Variants in ANO10 observed in about 807,000 individuals in gnomAD.
The protein encoded by ANO10 is anoctamin-10.
In ANO10, 77 loss-of-function variants were observed where a neutral mutation model predicts 74.7. That is an observed-to-expected ratio of 1.03 (90% confidence interval 0.86 to 1.25). The LOEUF (loss-of-function observed/expected upper bound fraction) is 1.25, where lower values mean the gene tolerates loss of function less well. Among genes scored for constraint, ANO10 ranks in the 50% most tolerant of loss-of-function variants. ANO10 has a pLI of 0.00. For missense variants in ANO10, 721 were observed against 778.1 expected (o/e 0.93, Z 0.87); for synonymous variants, 279 against 284.9 (o/e 0.98, Z 0.21).
intron 1 of ANO10, among the ~76,000 whole-genome samples, chr3:43,684,572 C>A (rs1398947168): frequency 1.3e-5 from 2 of 152,154 alleles, no homozygotes; most frequent in African/African-American, 2.4e-5. Flanking sequence ...CCAGCCATCC[C>A]ATTACTAGGT....
chr3:43,464,777 T>C (rs2075543495), intron 11 of ANO10, among the ~76,000 whole-genome samples: 1 of 152,160 alleles, frequency 6.6e-6, no homozygotes, highest in South Asian at 2.1e-4. Context: ...TATCAATATA[T>C]ACAGAAAATT....
At chr3:43,641,730 G>A (rs1275139935) in intron 1 of ANO10, among the ~76,000 whole-genome samples, 1 of 152,196 alleles carries the variant, frequency 6.6e-6, no homozygotes, top group African/African-American at 2.4e-5. Context: ...GGATCTCTGA[G>A]TCTCAGGCAC....
chr3:43,429,882 T>C (rs1378804476), intron 12 of ANO10, among the ~76,000 whole-genome samples: 1 of 152,134 alleles, frequency 6.6e-6, no homozygotes. Flanking sequence ...GGTACTCTTT[T>C]CAGATACAAC....
intron 11 of ANO10, among the ~76,000 whole-genome samples, chr3:43,466,957 G>A (rs1211453960): frequency 1.3e-5 from 2 of 152,136 alleles, no homozygotes; most frequent in African/African-American, 4.8e-5. Context: ...TTAACAGAAT[G>A]TTCACAAATA....
Position 43,576,717 on chromosome 3 carries a change from A to G in ANO10, c.1137T>C (p.Tyr379=), listed in dbSNP as rs1451311121. The part of the protein sequence containing the change: ...VIEIMNRLYR[Y]AAEFLTSWEN... ...CCCATGAAGTTAAAAACTCGGCAGC[A>G]TATCGATAGAGACGATTCATGATCT... The change falls in exon 6 of 13, where the codon TAT becomes TAC. Residue 379 remains tyrosine (Y), a synonymous_variant. Transcript: ENST00000292246. The G allele has an allele frequency of 2.9e-5, 47 of 1,614,092 alleles. No individual in the cohort carries two copies. The highest frequency in any genetic ancestry group is 4.0e-5 in the Non-Finnish European group (47 of 1,180,048).
chr3:43,508,782 C>T lies in ANO10; in HGVS notation c.1797+40938G>A, dbSNP rs1431810752. 8.6e-5 allele frequency among the ~76,000 whole-genome samples: 12 copies of T among 139,190 alleles called. No homozygotes were observed. In the East Asian group the frequency reaches 9.4e-4, roughly 11 times the overall value. The allele number at this position is 139,190 out of a possible 152,430, so 91.3% of individuals were successfully genotyped here. ...ACACAGGAAGGGGAACATCACACACCGGGGCCTGTTGTGGGGTAGGGGGAG... is the reference window on the plus strand; with the variant it reads ...ACACAGGAAGGGGAACATCACACACTGGGGCCTGTTGTGGGGTAGGGGGAG... On this transcript the variant is annotated intron_variant, in intron 11 of 12. Transcript: ENST00000292246.
intron 4 of ANO10, among the ~76,000 whole-genome samples, chr3:43,593,088 C>A (rs1469576284): frequency 6.6e-6 from 1 of 152,104 alleles, no homozygotes; most frequent in East Asian, 1.9e-4. Flanking sequence ...AGAACAAATC[C>A]TCCAAAACAT....
At position 43,580,492 on chromosome 3, in the gene ANO10, C is replaced by G. The variant is rs1218771588; in HGVS notation, c.473-20G>C. The G allele has an allele frequency of 6.2e-7, 1 of 1,612,354 alleles. No homozygotes were observed. The highest frequency in any genetic ancestry group is 8.5e-7 in the Non-Finnish European group (1 of 1,179,806). ...TTCTCACTGCACAGGGAAAATGTGCCAAACTGCATGAAATGGACTGGAGAT... is the reference window on the plus strand; with the variant it reads ...TTCTCACTGCACAGGGAAAATGTGCGAAACTGCATGAAATGGACTGGAGAT... On this transcript the variant is annotated intron_variant, in intron 4 of 12. Transcript: ENST00000292246.
rs1335235506 is a variant in ANO10 at position 43,599,256 on chromosome 3, ATCACAT to A, written c.338-596_338-591del. 2.0e-5 allele frequency among the ~76,000 whole-genome samples: 3 copies of A among 152,206 alleles called. No homozygotes were observed. In the East Asian group the frequency reaches 5.8e-4, roughly 29 times the overall value. ...GAGTAAGTGAATCCAAAGAAGTCTA[ATCACAT>A]CTTCTAACTCTGAAAGCCCTGGCAG... On this transcript the variant is annotated intron_variant, in intron 3 of 12. Coordinates refer to ENST00000292246, the MANE Select transcript of ANO10 (RefSeq NM_018075.5).
chr3:43,611,412 C>T (rs981747035), intron 1 of ANO10, among the ~76,000 whole-genome samples: 1 of 152,188 alleles, frequency 6.6e-6, no homozygotes, highest in African/African-American at 2.4e-5. Flanking sequence ...CTAGCTTACT[C>T]TGATTAATAG....
chr3:43,498,969 G>A (rs1399678935), intron 11 of ANO10, among the ~76,000 whole-genome samples: 1 of 152,154 alleles, frequency 6.6e-6, no homozygotes, highest in African/African-American at 2.4e-5. Context: ...TGGGCACTGG[G>A]GGTAAGTCCC....
At chr3:43,480,377 C>T (rs1370153752) in intron 11 of ANO10, among the ~76,000 whole-genome samples, 1 of 152,150 alleles carries the variant, frequency 6.6e-6, no homozygotes, top group Non-Finnish European at 1.5e-5. Context: ...GAGGAGACCA[C>T]AAAGGCATAT....
At chr3:43,620,291 A>G (rs1320551621) in intron 1 of ANO10, among the ~76,000 whole-genome samples, 1 of 152,244 alleles carries the variant, frequency 6.6e-6, no homozygotes, top group African/African-American at 2.4e-5. Context: ...AGGTGGAAAG[A>G]AAAAGCAAAA....
At chr3:43,417,043 T>C (rs762850815) in intron 12 of ANO10, among the ~76,000 whole-genome samples, 5 of 152,176 alleles carry the variant, frequency 3.3e-5, no homozygotes, top group Non-Finnish European at 7.4e-5. Flanking sequence ...CACCTTCACA[T>C]AGTGATACAG....
rs2083541192 is a variant in ANO10 at position 43,631,043 on chromosome 3, G to A, written c.-11-25180C>T. On this transcript the variant is annotated intron_variant, in intron 1 of 3. Coordinates refer to the ANO10 transcript ENST00000413397. ...ACTGATGGTTCAAGACTGAGTGAGT[G>A]AATTGTTTTAGTCTTTACTTCTCCC... 2.0e-5 allele frequency among the ~76,000 whole-genome samples: 3 copies of A among 152,336 alleles called. No homozygotes were observed. In the South Asian group the frequency reaches 6.2e-4, roughly 32 times the overall value.
chr3:43,420,694 C>A (rs949171440), intron 12 of ANO10, among the ~76,000 whole-genome samples: 5 of 151,992 alleles, frequency 3.3e-5, no homozygotes, highest in African/African-American at 1.2e-4. Flanking sequence ...TAATACCCAA[C>A]TATAACACAC....
intron 8 of ANO10, among the ~76,000 whole-genome samples, 185 bp downstream of exon 8, chr3:43,565,468 A>G (rs546421703): frequency 6.6e-6 from 1 of 152,196 alleles, no homozygotes; most frequent in African/African-American, 2.4e-5. Context: ...GGTTCAACTC[A>G]TTTCAGTTGA....
At chr3:43,440,533 C>T (rs1356351107) in intron 11 of ANO10, among the ~76,000 whole-genome samples, 2 of 152,012 alleles carry the variant, frequency 1.3e-5, no homozygotes, top group African/African-American at 4.8e-5. Flanking sequence ...ATGCATCTAA[C>T]ATCAGAGTAA....
chr3:43,396,580 A>G (rs899921218), intron 12 of ANO10, among the ~76,000 whole-genome samples: 1 of 150,642 alleles, frequency 6.6e-6, no homozygotes, highest in Admixed American at 6.6e-5. Context: ...CTCGTGATCC[A>G]CCCGCCTCAG....
Sources: allele counts gnomAD v4.1 joint callset (sites outside exome capture counted in the v4.1 genomes callset), GRCh38; gene constraint gnomAD v4.1.1; transcripts MANE v1.5; gene names NCBI Gene and HGNC (gene_info 2026-07-23, HGNC 2026-07-21).